The following PIK3C3 variants were observed in gnomAD, a reference collection of about 807,000 sequenced individuals.
PIK3C3 encodes the protein PI3-kinase type 3.
Under a neutral mutation model 126.1 loss-of-function variants are expected in PIK3C3, and 95 were observed. The observed-to-expected ratio is 0.75, with a 90% CI of 0.64 to 0.89. The LOEUF is 0.89. Among genes scored for constraint, PIK3C3 ranks in the 40% least tolerant of loss-of-function variants. The pLI is 0.00. For missense variants in PIK3C3, 829 were observed against 1,063.2 expected (o/e 0.78, Z 3.06); for synonymous variants, 374 against 360.0 (o/e 1.04, Z -0.44).
intron 4 of PIK3C3, among the ~76,000 whole-genome samples, chr18:41,971,964 A>T (rs1181411701): frequency 6.6e-6 from 1 of 151,978 alleles, no homozygotes; most frequent in Non-Finnish European, 1.5e-5. Flanking sequence ...TAGGTTTCTA[A>T]TTTTTTTCCC....
At chr18:42,009,376 A>T (rs551306310) in intron 10 of PIK3C3, among the ~76,000 whole-genome samples, 20 of 152,186 alleles carry the variant, frequency 1.3e-4, no homozygotes, top group Non-Finnish European at 2.5e-4. Context: ...CTTTTTAAAA[A>T]TTATTTGGTG....
chr18:42,054,717 T>C (rs1224453622), intron 21 of PIK3C3, among the ~76,000 whole-genome samples: 1 of 152,122 alleles, frequency 6.6e-6, no homozygotes, highest in Non-Finnish European at 1.5e-5. Context: ...CCTCCCCCAT[T>C]GGGTGACTTT....
intron 4 of PIK3C3, among the ~76,000 whole-genome samples, chr18:41,984,515 G>A (rs1416653499): frequency 6.6e-6 from 1 of 151,982 alleles, no homozygotes; most frequent in African/African-American, 2.4e-5. Context: ...AAAGGTAAAC[G>A]GCTTTATGGT....
At chr18:41,980,526 A>G (rs1354152268) in intron 4 of PIK3C3, among the ~76,000 whole-genome samples, 3 of 152,142 alleles carry the variant, frequency 2.0e-5, no homozygotes, top group Non-Finnish European at 4.4e-5. Flanking sequence ...GTTAATATGT[A>G]TGTATATTAC....
chr18:42,034,063 T>C, intron 16 of PIK3C3, 106 bp downstream of exon 16: 2 of 673,912 alleles, frequency 3.0e-6, no homozygotes, highest in Non-Finnish European at 4.6e-6. Flanking sequence ...ACATCTATAA[T>C]TCTAGTTGAT....
intron 4 of PIK3C3, among the ~76,000 whole-genome samples, chr18:41,973,081 G>T (rs1220855539): frequency 3.9e-5 from 6 of 151,976 alleles, no homozygotes; most frequent in Admixed American, 1.3e-4. Context: ...CTCTTTAATT[G>T]ATTCTAAAAG....
At position 41,990,572 on chromosome 18, in the gene PIK3C3, GT is replaced by G; in HGVS notation, c.714+23del. 12 of 1,339,644 alleles carry G rather than the reference GT, an allele frequency of 9.0e-6. No individual in the cohort carries two copies. The highest frequency in any genetic ancestry group is 1.2e-5 in the Non-Finnish European group (11 of 935,216). 83.0% of individuals were successfully genotyped at this position (1,339,644 alleles called of 1,614,324 possible). A position where few individuals can be genotyped will look rare whatever the true frequency, so the allele number is the denominator to read the frequency against. On this transcript the variant is annotated intron_variant, in intron 6 of 24. Transcript: ENST00000262039. The stretch of plus-strand genomic sequence containing the variant: ...ATGAAAAGGTATTTCCCTTGGAACT[GT>G]TTTTGGTCTCTAAAGTAGAGGGGAG...
At position 42,081,175 on chromosome 18, in the gene PIK3C3, GA is replaced by G; in HGVS notation, c.*42del. 1 of 1,508,844 alleles carries G rather than the reference GA, an allele frequency of 6.6e-7. No homozygotes were observed. The highest frequency in any genetic ancestry group is 9.1e-7 in the Non-Finnish European group (1 of 1,093,092). The allele number at this position is 1,508,844 out of a possible 1,614,324, so 93.5% of individuals were successfully genotyped here. A position where few individuals can be genotyped will look rare whatever the true frequency, so the allele number is the denominator to read the frequency against. ...CCCATCAAGATGCTTGGCTCAATAA[GA>G]AAACCACGTTAGGAGCAACCTTTGT... is the stretch of plus-strand genomic sequence containing the variant. On this transcript the variant is annotated 3_prime_UTR_variant, in exon 25 of 25. Coordinates refer to ENST00000262039, the MANE Select transcript of PIK3C3 (RefSeq NM_002647.4).
intron 3 of PIK3C3, among the ~76,000 whole-genome samples, chr18:41,963,235 G>C (rs764016603): frequency 3.5e-4 from 54 of 152,220 alleles, no homozygotes; most frequent in Non-Finnish European, 6.3e-4. Flanking sequence ...TAAAGAACTT[G>C]GTCCTTCATC....
intron 1 of PIK3C3, among the ~76,000 whole-genome samples, 169 bp from the exon 2 acceptor site, chr18:41,957,401 T>A (rs1309070606): frequency 6.6e-6 from 1 of 152,232 alleles, no homozygotes; most frequent in Admixed American, 6.5e-5. Context: ...TAATTTCATA[T>A]ACAGGAAAAT....
chr18:41,995,297 A>G (rs1489995554), intron 7 of PIK3C3, among the ~76,000 whole-genome samples: 1 of 152,156 alleles, frequency 6.6e-6, no homozygotes, highest in Non-Finnish European at 1.5e-5. Flanking sequence ...AAAGCCATTA[A>G]AAAAATTAGG....
Position 42,084,290 on chromosome 18 carries a change from TAGAG to T in PIK3C3, c.*3157_*3160del, listed in dbSNP as rs918413299. ...TGTAAGTAATTACTAATGTTTATTTTAGAGAGATCACACAACTTCAAATAAAAAC... is the reference window on the plus strand; with the variant it reads ...TGTAAGTAATTACTAATGTTTATTTTAGATCACACAACTTCAAATAAAAAC... On this transcript the variant is annotated 3_prime_UTR_variant, in exon 25 of 25. Transcript: ENST00000262039. The T allele has an allele frequency of 6.6e-6, 1 of 152,178 alleles. No individual in the cohort carries two copies. Among genetic ancestry groups the T allele is most frequent in the African/African-American group, 2.4e-5 (1 of 41,438 alleles). 9.4% of individuals were successfully genotyped at this position (152,178 alleles called of 1,614,324 possible). A position where few individuals can be genotyped will look rare whatever the true frequency, so the allele number is the denominator to read the frequency against.
At chr18:42,030,592 C>T (rs1446456261) in intron 15 of PIK3C3, among the ~76,000 whole-genome samples, 1 of 152,134 alleles carries the variant, frequency 6.6e-6, no homozygotes, top group Non-Finnish European at 1.5e-5. Context: ...TAATGAGTAA[C>T]GTTCAGCAGG....
Position 42,025,179 on chromosome 18 carries a change from G to A in PIK3C3, c.1485-2264G>A, listed in dbSNP as rs554839970. 1.9e-3 allele frequency among the ~76,000 whole-genome samples: 291 copies of A among 152,230 alleles called. 1 individual carries two copies. The highest frequency in any genetic ancestry group is 6.4e-3 in the African/African-American group (267 of 41,536). The stretch of plus-strand genomic sequence containing the variant: ...TTTACTTGGTGGTCAGAAAGAGCAA[G>A]ATACAGCAGTGAGCCCCTACATTGT... On this transcript the variant is annotated intron_variant, in intron 13 of 24. Coordinates refer to ENST00000262039, the MANE Select transcript of PIK3C3 (RefSeq NM_002647.4).
At position 41,977,500 on chromosome 18, in the gene PIK3C3, A is replaced by T. The variant is rs997035967; in HGVS notation, c.531+7044A>T. Among the ~76,000 whole-genome samples, 272 of 146,430 alleles carry T rather than the reference A, an allele frequency of 1.9e-3. 1 individual carries two copies. The highest frequency in any genetic ancestry group is 3.3e-3 in the Non-Finnish European group (216 of 66,006). ...GAAGTGGCTATATAGATATATGTGT[A>T]TTTTTTTTTTTTTGAGACACAGTCT... On this transcript the variant is annotated intron_variant, in intron 4 of 24. Transcript: ENST00000262039.
chr18:42,036,324 A>G (rs1161042041), intron 16 of PIK3C3, among the ~76,000 whole-genome samples: 1 of 152,146 alleles, frequency 6.6e-6, no homozygotes, highest in African/African-American at 2.4e-5. Flanking sequence ...TCTGTCATCA[A>G]CATTTTGCCA....
At chr18:42,020,571 AACTT>A (rs1465256189) in intron 12 of PIK3C3, 63 bp from the exon 13 acceptor site, 52 of 1,019,886 alleles carry the variant, frequency 5.1e-5, no homozygotes, top group Middle Eastern at 2.3e-4. Flanking sequence ...GGCAAATGTA[AACTT>A]ACTTATTTTC....
intron 12 of PIK3C3, among the ~76,000 whole-genome samples, chr18:42,017,229 A>G (rs566615657): frequency 3.2e-4 from 49 of 152,228 alleles, no homozygotes; most frequent in African/African-American, 1.1e-3. Flanking sequence ...TCTTATCACA[A>G]CTTGAGATAT....
intron 24 of PIK3C3, among the ~76,000 whole-genome samples, chr18:42,078,000 T>C (rs1986092017): frequency 6.6e-6 from 1 of 152,168 alleles, no homozygotes; most frequent in Non-Finnish European, 1.5e-5. Context: ...CCATCAGAGC[T>C]CTTGGATGAC....
Sources: gnomAD v4.1 joint callset for allele counts (sites outside exome capture counted in the v4.1 genomes callset) on GRCh38, gnomAD v4.1.1 for gene constraint, MANE v1.5 for transcripts, NCBI Gene and HGNC (gene_info 2026-07-23, HGNC 2026-07-21) for gene names.